GABRB3: variants seen among roughly 807,000 people sequenced by gnomAD.
GABRB3 encodes the protein gamma-aminobutyric acid receptor subunit beta-3.
Under a neutral mutation model 52.1 loss-of-function variants are expected in GABRB3, and 14 were observed. That is an observed-to-expected ratio of 0.27 (90% CI 0.18 to 0.42). The LOEUF (loss-of-function observed/expected upper bound fraction) is 0.42, where lower values mean the gene tolerates loss of function less well. Ranked by LOEUF, GABRB3 falls within the 10% of genes least tolerant of loss-of-function variation. The pLI is 1.00. For synonymous variants in GABRB3, 260 were observed against 232.3 expected (o/e 1.12, Z -1.08); for missense variants, 307 against 609.1 (o/e 0.50, Z 5.22).
intron 3 of GABRB3, among the ~76,000 whole-genome samples, chr15:26,678,225 T>C (rs1188699335): frequency 1.3e-5 from 2 of 152,194 alleles, no homozygotes; most frequent in African/African-American, 4.8e-5. Context: ...TCATTATGAT[T>C]TGGCCTCTCA....
chr15:26,719,801 T>C (rs1239145625), intron 3 of GABRB3, among the ~76,000 whole-genome samples: 3 of 152,076 alleles, frequency 2.0e-5, no homozygotes, highest in Non-Finnish European at 4.4e-5. Flanking sequence ...AACAGTTAAA[T>C]CCAAAAATTC....
intron 3 of GABRB3, among the ~76,000 whole-genome samples, chr15:26,688,884 C>T (rs1223900352): frequency 6.6e-6 from 1 of 152,172 alleles, no homozygotes; most frequent in Non-Finnish European, 1.5e-5. Context: ...CTGTAAAGCA[C>T]AAATCTGTAA....
chr15:26,708,457 G>A (rs1889176979), intron 3 of GABRB3, among the ~76,000 whole-genome samples: 1 of 152,184 alleles, frequency 6.6e-6, no homozygotes, highest in Non-Finnish European at 1.5e-5. Context: ...CCAGGGACAG[G>A]CAGTCAATGA....
intron 3 of GABRB3, among the ~76,000 whole-genome samples, chr15:26,640,611 A>C (rs904607079): frequency 6.6e-6 from 1 of 152,214 alleles, no homozygotes; most frequent in Non-Finnish European, 1.5e-5. Context: ...TTTTGTGAGT[A>C]AGGTTGGATA....
intron 3 of GABRB3, among the ~76,000 whole-genome samples, chr15:26,671,804 C>CG (rs1226922458): frequency 1.3e-5 from 2 of 152,056 alleles, no homozygotes; most frequent in East Asian, 1.9e-4. Flanking sequence ...CCCAGTGCCA[C>CG]GGGGGGACAA....
intron 2 of GABRB3, 79 bp from the exon 3 acceptor site, chr15:26,772,548 C>T: frequency 2.7e-6 from 4 of 1,497,328 alleles, no homozygotes; most frequent in Non-Finnish European, 2.7e-6. Context: ...GGGGCTATCC[C>T]AGGAGGGGCG....
intron 3 of GABRB3, among the ~76,000 whole-genome samples, chr15:26,673,284 G>A (rs1205526343): frequency 6.6e-6 from 1 of 151,846 alleles, no homozygotes; most frequent in East Asian, 1.9e-4. Context: ...GAGGGTAGAT[G>A]CAGGCAACTT....
chr15:26,622,735 G>T (rs1192672411), intron 3 of GABRB3, among the ~76,000 whole-genome samples: 1 of 152,168 alleles, frequency 6.6e-6, no homozygotes, highest in Non-Finnish European at 1.5e-5. Flanking sequence ...GTTTATTGCT[G>T]CTCTCAATAG....
rs1053195381 is a variant in GABRB3, at chr15:26,561,172, G to T, written c.840C>A (p.Ile280=). 6.2e-7 allele frequency: 1 copy of T among 1,613,912 alleles called. No homozygotes were observed. The change falls in exon 8 of 9, where the codon ATC becomes ATA. Residue 280 remains isoleucine (I), a synonymous_variant. Coordinates refer to ENST00000311550, the MANE Select transcript of GABRB3 (RefSeq NM_000814.6). The stretch of plus-strand genomic sequence containing the variant: ...TGGTTGTCATTGTCAGCACAGTTGT[G>T]ATCCCTAGAAAAGAAACAAAGTGGT... The part of the protein sequence containing the change: ...DASAARVALG[I]TTVLTMTTIN...
At chr15:26,699,705 A>C (rs1211606029) in intron 3 of GABRB3, among the ~76,000 whole-genome samples, 2 of 152,142 alleles carry the variant, frequency 1.3e-5, no homozygotes, top group Admixed American at 1.3e-4. Flanking sequence ...GCAGGAGAAA[A>C]GGTGAGTATA....
At chr15:26,631,205 A>G (rs1305507507) in intron 3 of GABRB3, among the ~76,000 whole-genome samples, 1 of 152,232 alleles carries the variant, frequency 6.6e-6, no homozygotes, top group African/African-American at 2.4e-5. Flanking sequence ...ATATACAAGC[A>G]GCAGCAACAA....
intron 3 of GABRB3, among the ~76,000 whole-genome samples, chr15:26,745,515 AG>A (rs1288620909): frequency 1.3e-5 from 2 of 152,202 alleles, no homozygotes; most frequent in East Asian, 3.9e-4. Flanking sequence ...GAACAGCTAT[AG>A]GTCTATGCAA....
intron 3 of GABRB3, among the ~76,000 whole-genome samples, chr15:26,731,801 A>G (rs1889921662): frequency 6.6e-6 from 1 of 152,248 alleles, no homozygotes; most frequent in Non-Finnish European, 1.5e-5. Context: ...CATACCATTT[A>G]GCGGTGTTTT....
chr15:26,564,520 A>G (rs549228537), intron 7 of GABRB3, among the ~76,000 whole-genome samples: 2 of 152,302 alleles, frequency 1.3e-5, no homozygotes, highest in South Asian at 2.1e-4. Context: ...TGAGCCCTCA[A>G]TAGAGGCCTC....
intron 3 of GABRB3, among the ~76,000 whole-genome samples, chr15:26,671,310 T>C (rs1324265844): frequency 6.6e-6 from 1 of 152,250 alleles, no homozygotes; most frequent in Non-Finnish European, 1.5e-5. Context: ...GAATTCATTA[T>C]GCTACTCAAG....
rs1160243943 is a variant in GABRB3 at position 26,546,649 on chromosome 15, T to C, written c.*1144A>G. The C allele has an allele frequency of 6.6e-6, 1 of 152,588 alleles. No homozygotes were observed. The highest frequency in any genetic ancestry group is 1.5e-5 in the Non-Finnish European group (1 of 68,028). 9.5% of individuals were successfully genotyped at this position (152,588 alleles called of 1,614,324 possible). On this transcript the variant is annotated 3_prime_UTR_variant, in exon 9 of 9. Coordinates refer to ENST00000311550, the MANE Select transcript of GABRB3 (RefSeq NM_000814.6). ...CTGAAATTGAACAGTAGAAGTGTTT[T>C]AGCTTCAATCTTAATTTCTAGATAA... is the stretch of plus-strand genomic sequence containing the variant.
chr15:26,618,242 A>G (rs1892337313), intron 4 of GABRB3, among the ~76,000 whole-genome samples: 1 of 152,090 alleles, frequency 6.6e-6, no homozygotes, highest in Non-Finnish European at 1.5e-5. Context: ...AGCTGGAGGC[A>G]TCACGCTACC....
intron 3 of GABRB3, among the ~76,000 whole-genome samples, chr15:26,737,194 T>C (rs1017945794): frequency 6.6e-6 from 1 of 152,206 alleles, no homozygotes; most frequent in East Asian, 1.9e-4. Context: ...TGTGTGATTC[T>C]GGTGCATGCT....
chr15:26,741,200 T>C (rs1264348271), intron 3 of GABRB3, among the ~76,000 whole-genome samples: 1 of 151,990 alleles, frequency 6.6e-6, no homozygotes, highest in Non-Finnish European at 1.5e-5. Context: ...AGGGTCAGAG[T>C]GGAAAATGCA....
Sources: allele counts gnomAD v4.1 joint callset (sites outside exome capture counted in the v4.1 genomes callset), GRCh38; gene constraint gnomAD v4.1.1; transcripts MANE v1.5; gene names NCBI Gene and HGNC (gene_info 2026-07-23, HGNC 2026-07-21).